The following GALNT15 variants were observed in gnomAD, a reference collection of about 807,000 sequenced individuals.
GALNT15 encodes UDP-GalNAc transferase T15.
In GALNT15, 67 loss-of-function variants were observed where a neutral mutation model predicts 66.8. The ratio of observed to expected loss-of-function variants is 1.00; its 90% CI spans 0.82 to 1.23. GALNT15 has a LOEUF of 1.23. Ranked by LOEUF, GALNT15 falls within the 50% of genes most tolerant of loss-of-function variation. The probability of loss-of-function intolerance (pLI) is 0.00; values close to 1 mark genes in which losing one functional copy is unlikely to be tolerated. For missense variants in GALNT15, 827 were observed against 804.3 expected, an observed-to-expected ratio of 1.03 and a Z score of -0.34; for synonymous variants, 313 against 311.5, an observed-to-expected ratio of 1.00 and a Z score of -0.05.
chr3:16,217,942 A>G (rs2063897217), intron 6 of GALNT15, among the ~76,000 whole-genome samples: 1 of 152,196 alleles, frequency 6.6e-6, no homozygotes, highest in South Asian at 2.1e-4. Flanking sequence ...CATGGTGGGT[A>G]AATACACTGA....
chr3:16,185,452 T>C (rs1165848243), intron 1 of GALNT15, among the ~76,000 whole-genome samples: 1 of 152,122 alleles, frequency 6.6e-6, no homozygotes, highest in Non-Finnish European at 1.5e-5. Context: ...CTCAATAAGT[T>C]CCCTCGGTAA....
chr3:16,232,107 A>C, downstream of GALNT15: 1 of 663,834 alleles, frequency 1.5e-6, no homozygotes. Context: ...ACTCTCCAAA[A>C]TTCTCCAACC....
Position 16,175,008 on chromosome 3 carries a change from A to C in GALNT15, c.-144A>C. 2 of 699,274 alleles carry C rather than the reference A, an allele frequency of 2.9e-6. No individual in the cohort carries two copies. The highest frequency in any genetic ancestry group is 3.9e-5 in the South Asian group (2 of 51,048). 43.3% of individuals were successfully genotyped at this position (699,274 alleles called of 1,614,324 possible). A position where few individuals can be genotyped will look rare whatever the true frequency, so the allele number is the denominator to read the frequency against. On this transcript the variant is annotated 5_prime_UTR_variant, in exon 1 of 10. Transcript: ENST00000339732. The surrounding 1 kb of genome is among the most constrained non-coding windows in gnomAD (Gnocchi z 5.6). Reference sequence around the variant, plus strand: ...AGCAGGTCTTGCACACGCTGTTGGCAAATGTCAGGACCAGGTTAAGTGACT... The same window carrying C: ...AGCAGGTCTTGCACACGCTGTTGGCCAATGTCAGGACCAGGTTAAGTGACT...
At chr3:16,212,465 C>T (rs34031379) in intron 5 of GALNT15, 104 bp from the exon 6 acceptor site, 33,482 of 1,043,742 alleles carry the variant, frequency 0.032, 664 homozygotes, top group Non-Finnish European at 0.039. Flanking sequence ...TGAGTGCTCA[C>T]GATTTCCTGT....
chr3:16,229,308 A>C lies in GALNT15; in HGVS notation c.*1808A>C, dbSNP rs1559697186. ...TGGTAGCCACTAACAAAATGTGGCC[A>C]TTTTGATGGAAATCCATTAAAATCA... is the stretch of plus-strand genomic sequence containing the variant. On this transcript the variant is annotated 3_prime_UTR_variant, in exon 10 of 10. Transcript: ENST00000339732. The C allele has an allele frequency of 2.1e-6, 2 of 949,670 alleles. No homozygotes were observed. The highest frequency in any genetic ancestry group is 3.5e-5 in the African/African-American group (2 of 56,436). 58.8% of individuals were successfully genotyped at this position (949,670 alleles called of 1,614,324 possible). A position where few individuals can be genotyped will look rare whatever the true frequency, so the allele number is the denominator to read the frequency against.
chr3:16,205,831 T>TGGA (rs1454287443), intron 3 of GALNT15, among the ~76,000 whole-genome samples: 8 of 152,204 alleles, frequency 5.3e-5, no homozygotes, highest in Non-Finnish European at 1.2e-4. Flanking sequence ...CACTGACATT[T>TGGA]TATTCTTTAT....
At chr3:16,185,081 G>A (rs748700031) in intron 1 of GALNT15, among the ~76,000 whole-genome samples, 7 of 152,140 alleles carry the variant, frequency 4.6e-5, no homozygotes, top group South Asian at 2.1e-4. Context: ...CACAGATTGT[G>A]GTCAGGCATC....
rs985699576 is a variant in GALNT15 at position 16,176,870 on chromosome 3, T to C, written c.539+1180T>C. ...GCCACTCACACTCGAGGGTGTGCAA[T>C]TGCAGGGTCAGCAGCCGGGAGTGAA... On this transcript the variant is annotated intron_variant, in intron 1 of 9. Transcript: ENST00000339732. This position sits in a 1 kb window ranked among gnomAD's most constrained non-coding sequence, Gnocchi z 5.6. 6.6e-5 allele frequency among the ~76,000 whole-genome samples: 10 copies of C among 152,136 alleles called. No homozygotes were observed. The East Asian group carries it at 1.7e-3, about 26-fold the overall frequency.
rs1231041523 is a variant in GALNT15, at chr3:16,230,036, A to G, written c.*2536A>G. ...AGCATTCATTTTATCCATAATGATC[A>G]ATTTAAAAGTAGAGAAACTTGTCAG... On this transcript the variant is annotated 3_prime_UTR_variant, in exon 10 of 10. Transcript: ENST00000339732. This position sits in a 1 kb window ranked among gnomAD's most constrained non-coding sequence, Gnocchi z 4.5. 6.6e-6 allele frequency among the ~76,000 whole-genome samples: 1 copy of G among 152,172 alleles called. No homozygotes were observed. The highest frequency in any genetic ancestry group is 2.4e-5 in the African/African-American group (1 of 41,452).
At position 16,201,221 on chromosome 3, in the gene GALNT15, A is replaced by G. The variant is rs9870266; in HGVS notation, c.911+398A>G. The stretch of plus-strand genomic sequence containing the variant: ...TTTTGTGATGGCGTCTCGCTCTGTC[A>G]CCCAGGCTGGAGTGCAGCGGGGCGA... On this transcript the variant is annotated intron_variant, in intron 3 of 9. Transcript: ENST00000339732. Among the ~76,000 whole-genome samples the G allele has an allele frequency of 3.0e-4, 46 of 151,306 alleles. No homozygotes were observed. The South Asian group carries it at 7.3e-3, about 24-fold the overall frequency.
At position 16,200,660 on chromosome 3, in the gene GALNT15, G is replaced by A; in HGVS notation, c.748G>A (p.Glu250Lys). Residue 250 changes from glutamate (E) to lysine (K), a missense_variant, in exon 3 of 10, where the codon GAG becomes AAG. Transcript: ENST00000339732. This position sits in a 1 kb window ranked among gnomAD's most constrained non-coding sequence, Gnocchi z 4.4. ...TCTCAGCGAATATGTGGCCAGGCTG[G>A]AGGGGGTGAAGTTACTCAGGAGCAA... Reference protein sequence around the residue: ...SALSEYVARLEGVKLLRSNKR... With the variant: ...SALSEYVARLKGVKLLRSNKR... The A allele has an allele frequency of 1.3e-6, 2 of 1,599,458 alleles. No individual in the cohort carries two copies. Among genetic ancestry groups the A allele is most frequent in the Non-Finnish European group, 1.7e-6 (2 of 1,172,670 alleles).
intron 1 of GALNT15, among the ~76,000 whole-genome samples, chr3:16,185,764 T>C (rs989966410): frequency 3.7e-5 from 5 of 135,072 alleles, no homozygotes; most frequent in African/African-American, 5.2e-5. Context: ...GATAGATAGA[T>C]AGATAGATAG....
chr3:16,201,176 CTTTTT>C (rs2063697255), intron 3 of GALNT15, among the ~76,000 whole-genome samples: 1 of 36,940 alleles, frequency 2.7e-5, no homozygotes, highest in Non-Finnish European at 5.6e-5. Context: ...TTTTCTTTTT[CTTTTT>C]CTTTTTCTTT....
In GALNT15 at chr3:16,225,348, C is replaced by G. The variant is rs888542134; in HGVS notation, c.1774-2006C>G. Among the ~76,000 whole-genome samples the G allele has an allele frequency of 5.9e-5, 9 of 152,340 alleles. No homozygotes were observed. The East Asian group carries it at 1.7e-3, about 29-fold the overall frequency. On this transcript the variant is annotated intron_variant, in intron 9 of 9. Coordinates refer to ENST00000339732, the MANE Select transcript of GALNT15 (RefSeq NM_054110.5). This position sits in a 1 kb window ranked among gnomAD's most constrained non-coding sequence, Gnocchi z 4.4. ...AAACTATATCAACTACTAAACTTTA[C>G]ACTTAAAAATGCCTAAGATTGTAAA... is the stretch of plus-strand genomic sequence containing the variant.
intron 4 of GALNT15, among the ~76,000 whole-genome samples, chr3:16,210,703 A>C (rs1321728407): frequency 1.3e-5 from 2 of 152,216 alleles, no homozygotes; most frequent in Non-Finnish European, 2.9e-5. Context: ...TTAGGAAAAC[A>C]GAAGAGGGTG....
chr3:16,247,522 T>C, the GALNT15 span, among the ~76,000 whole-genome samples: 1 of 152,176 alleles, frequency 6.6e-6, no homozygotes, highest in Non-Finnish European at 1.5e-5. Context: ...CAGGTCAGCC[T>C]GCAACAAATA....
At chr3:16,192,458 A>T (rs1332000162) in intron 1 of GALNT15, among the ~76,000 whole-genome samples, 1 of 151,938 alleles carries the variant, frequency 6.6e-6, no homozygotes, top group Non-Finnish European at 1.5e-5. Context: ...AAGCCCAATT[A>T]ATAGTTTAGG....
Position 16,195,995 on chromosome 3 carries a change from A to G in GALNT15, c.706+69A>G, listed in dbSNP as rs2063631258. The G allele has an allele frequency of 6.6e-7, 1 of 1,519,812 alleles. No homozygotes were observed. Among genetic ancestry groups the G allele is most frequent in the African/African-American group, 1.4e-5 (1 of 72,234 alleles). The allele number at this position is 1,519,812 out of a possible 1,614,324, so 94.1% of individuals were successfully genotyped here. A position where few individuals can be genotyped will look rare whatever the true frequency, so the allele number is the denominator to read the frequency against. On this transcript the variant is annotated intron_variant, in intron 2 of 9. Coordinates refer to ENST00000339732, the MANE Select transcript of GALNT15 (RefSeq NM_054110.5). This position sits in a 1 kb window ranked among gnomAD's most constrained non-coding sequence, Gnocchi z 4.6. ...CCCTGGCGGGTGGAGTTCTCAAGCAAAAGATTGAAGTTTGGAACTATTTTA... is the reference window on the plus strand; with the variant it reads ...CCCTGGCGGGTGGAGTTCTCAAGCAGAAGATTGAAGTTTGGAACTATTTTA...
Position 16,211,187 on chromosome 3 carries a change from G to A in GALNT15, c.1143G>A (p.Ala381=), listed in dbSNP as rs2062955. The change falls in exon 5 of 10, where the codon GCG becomes GCA. Residue 381 remains alanine, a synonymous_variant. Transcript: ENST00000339732. This position sits in a 1 kb window ranked among gnomAD's most constrained non-coding sequence, Gnocchi z 4.3. ...MDRHYFQNTG[A]YDSLMSLRGG... ...GACATTACTTCCAAAACACTGGAGC[G>A]TATGACTCTCTTATGTCGCTGCGAG... 1,741 of 1,614,022 alleles carry A rather than the reference G, an allele frequency of 1.1e-3. 19 individuals are homozygous for A. In the African/African-American group the frequency reaches 0.018, roughly 17 times the overall value.
Sources: allele counts gnomAD v4.1 joint callset (sites outside exome capture counted in the v4.1 genomes callset), GRCh38; gene constraint gnomAD v4.1.1; non-coding constraint Gnocchi (gnomAD v3.1); transcripts MANE v1.5; gene names NCBI Gene and HGNC (gene_info 2026-07-23, HGNC 2026-07-21).